Variants in ACACA observed in about 807,000 individuals in gnomAD.
ACACA encodes acetyl-CoA carboxylase alpha.
In ACACA, 103 loss-of-function variants were observed where a neutral mutation model predicts 296.1. That is an observed-to-expected ratio of 0.35 (90% CI 0.30 to 0.41). The LOEUF is 0.41. ACACA is among the 10% of genes least tolerant of loss of function. The pLI is 1.00. For missense variants in ACACA, 1,554 were observed against 2,989.7 expected, an observed-to-expected ratio of 0.52 and a Z score of 11.20; for synonymous variants, 953 against 1,038.6, an observed-to-expected ratio of 0.92 and a Z score of 1.58.
In ACACA at chr17:37,241,873, TA is replaced by T. The variant is rs2145939907; in HGVS notation, c.3032+79del. 8 of 1,146,264 alleles carry T rather than the reference TA, an allele frequency of 7.0e-6. No individual in the cohort carries two copies. The East Asian group carries it at 1.9e-4, about 27-fold the overall frequency. The allele number at this position is 1,146,264 out of a possible 1,614,324, so 71.0% of individuals were successfully genotyped here. ...CAATTTCTTGAAGTCAAATCTGAGG[TA>T]AATTTTTTTGTGACCACTTGAAAGA... On this transcript the variant is annotated intron_variant, in intron 23 of 55. Transcript: ENST00000616317.
At chr17:37,315,105 T>C (rs941508299) in intron 3 of ACACA, among the ~76,000 whole-genome samples, 1 of 151,950 alleles carries the variant, frequency 6.6e-6, no homozygotes, top group African/African-American at 2.4e-5. Flanking sequence ...ATTACAAGAA[T>C]GTGCCACCAC....
At chr17:37,323,069 C>G (rs1485322728) in intron 3 of ACACA, among the ~76,000 whole-genome samples, 1 of 152,264 alleles carries the variant, frequency 6.6e-6, no homozygotes, top group Admixed American at 6.5e-5. Context: ...GACAGCAAAG[C>G]TGAAAGAGCA....
intron 47 of ACACA, among the ~76,000 whole-genome samples, chr17:37,126,570 A>C (rs1350102970): frequency 6.6e-6 from 1 of 152,146 alleles, no homozygotes; most frequent in Admixed American, 6.5e-5. Flanking sequence ...TCTGCAAATA[A>C]CCGTTTCCTA....
At chr17:37,370,079 G>T (rs1254996852) in intron 1 of ACACA, among the ~76,000 whole-genome samples, 2 of 149,610 alleles carry the variant, frequency 1.3e-5, no homozygotes, top group African/African-American at 4.9e-5. Context: ...CCCAATCTCG[G>T]CTCTGCAACC....
In ACACA at chr17:37,113,729, G is replaced by A. The variant is rs887162488; in HGVS notation, c.6275-464C>T. Among the ~76,000 whole-genome samples the A allele has an allele frequency of 9.9e-5, 15 of 152,272 alleles. 1 individual carries two copies. Among genetic ancestry groups the A allele is most frequent in the Admixed American group, 9.2e-4 (14 of 15,294 alleles). On this transcript the variant is annotated intron_variant, in intron 50 of 55. Transcript: ENST00000616317. The surrounding 1 kb of genome is among the most constrained non-coding windows in gnomAD (Gnocchi z 4.0). ...TTCAAATGTGCACCTAATGGAAATT[G>A]ATCCTTTAAAAATTTTATCTTCAAA...
chr17:37,170,769 T>A (rs1336027065), intron 41 of ACACA, among the ~76,000 whole-genome samples: 1 of 152,156 alleles, frequency 6.6e-6, no homozygotes, highest in Admixed American at 6.5e-5. Context: ...TGACCCAAAA[T>A]TAACACCAAA....
intron 8 of ACACA, among the ~76,000 whole-genome samples, chr17:37,275,547 C>T (rs1271672214): frequency 7.2e-6 from 1 of 139,208 alleles, no homozygotes; most frequent in East Asian, 2.1e-4. Context: ...GGCAAGGAAA[C>T]ATTTGAGTAA....
At chr17:37,356,057 G>A (rs1435711175) in intron 1 of ACACA, among the ~76,000 whole-genome samples, 1 of 151,584 alleles carries the variant, frequency 6.6e-6, no homozygotes, top group Non-Finnish European at 1.5e-5. Context: ...TGTAGTCTCA[G>A]CTACTCAGGG....
chr17:37,268,164 G>A (rs2081880032), intron 10 of ACACA, among the ~76,000 whole-genome samples: 1 of 151,960 alleles, frequency 6.6e-6, no homozygotes, highest in Non-Finnish European at 1.5e-5. Flanking sequence ...AACCCTCTGT[G>A]GGTCTGTTTC....
chr17:37,269,928 G>T (rs1366132061), intron 10 of ACACA, among the ~76,000 whole-genome samples: 1 of 152,084 alleles, frequency 6.6e-6, no homozygotes, highest in Non-Finnish European at 1.5e-5. Flanking sequence ...ACTATGTATT[G>T]GTAGGAGGAA....
At chr17:37,227,487 G>A (rs2079593261) in intron 25 of ACACA, among the ~76,000 whole-genome samples, 1 of 152,026 alleles carries the variant, frequency 6.6e-6, no homozygotes, top group Non-Finnish European at 1.5e-5. Flanking sequence ...CAAGACAGGA[G>A]GACTGCTTGA....
At chr17:37,274,443 A>T in intron 8 of ACACA, 144 bp from the exon 9 acceptor site, 1 of 1,025,962 alleles carries the variant, frequency 9.7e-7, no homozygotes. Context: ...AACCCTGATC[A>T]GTCCTTGGGG....
intron 1 of ACACA, chr17:37,386,114 C>T: frequency 6.4e-7 from 1 of 1,561,606 alleles, no homozygotes; most frequent in East Asian, 2.3e-5. Context: ...GGAGAGAAAA[C>T]TACAAGTACC....
At chr17:37,390,263 TTATATATAA>T in intron 1 of ACACA, among the ~76,000 whole-genome samples, 1 of 66,292 alleles carries the variant, frequency 1.5e-5, no homozygotes, top group East Asian at 5.4e-4. Context: ...TTATATATAA[TTATATATAA>T]TATATTATAT....
At chr17:37,242,743 A>G (rs914113727) in intron 22 of ACACA, among the ~76,000 whole-genome samples, 2 of 150,776 alleles carry the variant, frequency 1.3e-5, no homozygotes, top group African/African-American at 2.4e-5. Flanking sequence ...AAATAAATAA[A>G]TAAATAAATA....
chr17:37,391,645 A>AG, intron 1 of ACACA: 1 of 1,613,192 alleles, frequency 6.2e-7, no homozygotes, highest in Non-Finnish European at 8.5e-7. Context: ...TTCAATCTCT[A>AG]GGTTGGACAA....
chr17:37,386,098 AAAG>A (rs768249035), intron 1 of ACACA: 9 of 1,591,292 alleles, frequency 5.7e-6, no homozygotes, highest in Non-Finnish European at 6.9e-6. Flanking sequence ...TCCTGGGAAT[AAAG>A]AAGGAGAGAA....
chr17:37,366,733 C>T (rs2049619451), intron 1 of ACACA, among the ~76,000 whole-genome samples: 1 of 151,916 alleles, frequency 6.6e-6, no homozygotes, highest in Non-Finnish European at 1.5e-5. Context: ...TCCCAAAGTG[C>T]TGGGATTACA....
At chr17:37,112,973 T>C (rs2074059292) in intron 51 of ACACA, 115 bp downstream of exon 51, 1 of 1,289,938 alleles carries the variant, frequency 7.8e-7, no homozygotes, top group African/African-American at 1.5e-5. Context: ...AAAGCTTTGG[T>C]TTGGAATCAC....
Sources: allele counts gnomAD v4.1 joint callset (sites outside exome capture counted in the v4.1 genomes callset), GRCh38; gene constraint gnomAD v4.1.1; non-coding constraint Gnocchi (gnomAD v3.1); transcripts MANE v1.5; gene names NCBI Gene and HGNC (gene_info 2026-07-23, HGNC 2026-07-21).